MMAA: variants seen among roughly 807,000 people sequenced by gnomAD.
The protein encoded by MMAA is methylmalonic aciduria type A protein, mitochondrial.
Under a neutral mutation model 45.0 loss-of-function variants are expected in MMAA, and 41 were observed. The observed-to-expected ratio is 0.91, with a 90% confidence interval of 0.71 to 1.18. The LOEUF is 1.18. Among genes scored for constraint, MMAA ranks in the 50% most tolerant of loss-of-function variants. The probability of loss-of-function intolerance (pLI) is 0.00; values close to 1 mark genes in which losing one functional copy is unlikely to be tolerated. For synonymous variants in MMAA, 154 were observed against 178.2 expected (o/e 0.86, Z 1.08); for missense variants, 460 against 495.7 (o/e 0.93, Z 0.68).
At chr4:145,639,731 G>A in intron 2 of MMAA, 153 bp downstream of exon 2, 2 of 985,184 alleles carry the variant, frequency 2.0e-6, no homozygotes, top group Non-Finnish European at 2.4e-6. Context: ...GCAAATATTA[G>A]TTTTGTTAAG....
intron 1 of MMAA, among the ~76,000 whole-genome samples, chr4:145,636,098 AGTGGCT>A (rs1429209299): frequency 6.6e-6 from 1 of 152,262 alleles, no homozygotes; most frequent in Non-Finnish European, 1.5e-5. Context: ...AATATCTGAA[AGTGGCT>A]GGTAGACTCT....
At chr4:145,648,088 T>C (rs1727985201) in intron 4 of MMAA, among the ~76,000 whole-genome samples, 1 of 150,678 alleles carries the variant, frequency 6.6e-6, no homozygotes, top group African/African-American at 2.4e-5. Flanking sequence ...CTCGAACTCC[T>C]GACCTTGTGA....
At chr4:145,620,597 G>T (rs565309630) in intron 1 of MMAA, among the ~76,000 whole-genome samples, 1 of 152,332 alleles carries the variant, frequency 6.6e-6, no homozygotes, top group East Asian at 1.9e-4. Context: ...GACCTCTGCA[G>T]ATTTTCACCT....
Position 145,642,788 on chromosome 4 carries a change from C to T in MMAA, c.562+303C>T, listed in dbSNP as rs1418183889. On this transcript the variant is annotated intron_variant, in intron 3 of 6. Transcript: ENST00000649156. Reference sequence around the variant, plus strand: ...TCAGCTTCCATGCATAAGGCCAGGCCCCTCTTTGCTCCTGTTGTGTTTCCT... The same window carrying T: ...TCAGCTTCCATGCATAAGGCCAGGCTCCTCTTTGCTCCTGTTGTGTTTCCT... 5 of 376,260 alleles carry T rather than the reference C, an allele frequency of 1.3e-5. No homozygotes were observed. The Admixed American group carries it at 1.9e-4, about 14-fold the overall frequency. The allele number at this position is 376,260 out of a possible 1,614,324, so 23.3% of individuals were successfully genotyped here. A position where few individuals can be genotyped will look rare whatever the true frequency, so the allele number is the denominator to read the frequency against.
At chr4:145,644,812 T>G (rs2126621828) in intron 3 of MMAA, among the ~76,000 whole-genome samples, 1 of 152,322 alleles carries the variant, frequency 6.6e-6, no homozygotes, top group Non-Finnish European at 1.5e-5. Flanking sequence ...AAATCATTCT[T>G]TGTTGTGGGT....
intron 1 of MMAA, chr4:145,624,228 A>T (rs1734149600): frequency 2.5e-6 from 2 of 814,896 alleles, no homozygotes. Flanking sequence ...AGGCAAAGAG[A>T]TCACAAACTG....
rs1269152775 is a variant in MMAA, at chr4:145,657,146, G to A, written c.*1712G>A. 6.6e-6 allele frequency: 1 copy of A among 152,196 alleles called. No individual in the cohort carries two copies. Among genetic ancestry groups the A allele is most frequent in the Non-Finnish European group, 1.5e-5 (1 of 68,036 alleles). The allele number at this position is 152,196 out of a possible 1,614,324, so 9.4% of individuals were successfully genotyped here. ...ACTGCATTGTAAAGAAGGTAGGAAA[G>A]GTGGGGGGACTTTTGTTAGCTTTAA... On this transcript the variant is annotated 3_prime_UTR_variant, in exon 7 of 7. Transcript: ENST00000649156.
At chr4:145,624,886 A>G (rs368960229) in intron 1 of MMAA, 13 of 1,601,590 alleles carry the variant, frequency 8.1e-6, no homozygotes, top group African/African-American at 8.0e-5. Flanking sequence ...GGGGTGTACA[A>G]TGGTTTCTTG....
intron 1 of MMAA, chr4:145,624,970 A>G: frequency 9.5e-7 from 1 of 1,057,198 alleles, no homozygotes; most frequent in East Asian, 2.4e-5. Flanking sequence ...GGTTTCCCTG[A>G]CAGTTGGTAC....
At position 145,655,289 on chromosome 4, in the gene MMAA, T is replaced by C; in HGVS notation, c.1112T>C (p.Ile371Thr). 1 of 1,614,174 alleles carries C rather than the reference T, an allele frequency of 6.2e-7. No individual in the cohort carries two copies. Among genetic ancestry groups the C allele is most frequent in the Non-Finnish European group, 8.5e-7 (1 of 1,180,014 alleles). Residue 371 changes from isoleucine to threonine, a missense_variant, in exon 7 of 7, where the codon ATT becomes ACT. Coordinates refer to ENST00000649156, the MANE Select transcript of MMAA (RefSeq NM_172250.3). ...KQQKVWMWNL[I>T]QESVLEHFRT... ...CAGAAAGTTTGGATGTGGAATCTCA[T>C]TCAGGAAAGTGTGTTAGAGCATTTC... is the stretch of plus-strand genomic sequence containing the variant.
rs143687604 is a variant in MMAA, at chr4:145,658,272, C to T, written c.*2838C>T. On this transcript the variant is annotated 3_prime_UTR_variant, in exon 7 of 7. Coordinates refer to ENST00000649156, the MANE Select transcript of MMAA (RefSeq NM_172250.3). The stretch of plus-strand genomic sequence containing the variant: ...TATTTATAGAAAGAACAGCCTAATA[C>T]AGGTGCTAAATACATATCTGACAAT... 113 of 152,228 alleles carry T rather than the reference C, an allele frequency of 7.4e-4. No homozygotes were observed. The highest frequency in any genetic ancestry group is 2.6e-3 in the African/African-American group (106 of 41,550). The allele number at this position is 152,228 out of a possible 1,614,324, so 9.4% of individuals were successfully genotyped here.
intron 3 of MMAA, among the ~76,000 whole-genome samples, chr4:145,643,927 G>A (rs1727859955): frequency 6.6e-6 from 1 of 152,062 alleles, no homozygotes; most frequent in South Asian, 2.1e-4. Flanking sequence ...TCAAAAAATA[G>A]TGGTCCCTTT....
chr4:145,647,760 T>C (rs1727970028), intron 4 of MMAA, among the ~76,000 whole-genome samples: 1 of 152,228 alleles, frequency 6.6e-6, no homozygotes, highest in African/African-American at 2.4e-5. Context: ...GCCCTACCCT[T>C]ATGACCTCAT....
At position 145,659,072 on chromosome 4, in the gene MMAA, A is replaced by T. The variant is rs1019789979; in HGVS notation, c.*3638A>T. 1.3e-5 allele frequency: 2 copies of T among 152,244 alleles called. No individual in the cohort carries two copies. The highest frequency in any genetic ancestry group is 2.9e-5 in the Non-Finnish European group (2 of 68,046). 9.4% of individuals were successfully genotyped at this position (152,244 alleles called of 1,614,324 possible). A position where few individuals can be genotyped will look rare whatever the true frequency, so the allele number is the denominator to read the frequency against. On this transcript the variant is annotated 3_prime_UTR_variant, in exon 7 of 7. Coordinates refer to ENST00000649156, the MANE Select transcript of MMAA (RefSeq NM_172250.3). ...ACATTAGCGTTATTCAGGTAAGACT[A>T]CAACAATGATGAACATGTCAAAACT... is the stretch of plus-strand genomic sequence containing the variant.
Position 145,655,345 on chromosome 4 carries a change from C to G in MMAA, c.1168C>G (p.Pro390Ala), listed in dbSNP as rs267600029. Reference sequence around the variant, plus strand: ...CCACCCCACAGTCCGGGAACAGATTCCACTTCTGGAACAAAAGGTTCTCAT... The same window carrying G: ...CCACCCCACAGTCCGGGAACAGATTGCACTTCTGGAACAAAAGGTTCTCAT... ...RTHPTVREQI[P>A]LLEQKVLIGA... The change falls in exon 7 of 7, where the codon CCA becomes GCA. Residue 390 changes from proline (P) to alanine (A), a missense_variant. Pro to Ala is a conservative substitution (Grantham distance 27). Coordinates refer to ENST00000649156, the MANE Select transcript of MMAA (RefSeq NM_172250.3). The G allele has an allele frequency of 1.2e-6, 2 of 1,614,038 alleles. No individual in the cohort carries two copies. Among genetic ancestry groups the G allele is most frequent in the African/African-American group, 2.7e-5 (2 of 74,910 alleles).
intron 1 of MMAA, among the ~76,000 whole-genome samples, chr4:145,633,880 A>T (rs1218839301): frequency 2.0e-5 from 3 of 152,252 alleles, no homozygotes. Context: ...ATTATCAGGC[A>T]GAGACTCTTG....
At chr4:145,648,880 G>A (rs1728014165) in intron 4 of MMAA, among the ~76,000 whole-genome samples, 1 of 152,110 alleles carries the variant, frequency 6.6e-6, no homozygotes, top group African/African-American at 2.4e-5. Flanking sequence ...TAGCTACTTG[G>A]TAGGCTGAGG....
In MMAA at chr4:145,642,374, C is replaced by A. The variant is rs1727810856; in HGVS notation, c.451C>A (p.Pro151Thr). 1 of 1,613,196 alleles carries A rather than the reference C, an allele frequency of 6.2e-7. No homozygotes were observed. The stretch of plus-strand genomic sequence containing the variant: ...TCTTTCCACCGTAGGATTGTCTGGG[C>A]CCCCTGGTGCTGGAAAATCAACATT... ...PLAFRVGLSGPPGAGKSTFIE... is the reference protein window; with the variant it reads ...PLAFRVGLSGTPGAGKSTFIE... Residue 151 changes from proline (P) to threonine (T), a missense_variant, in exon 3 of 7, where the codon CCC (proline) becomes ACC (threonine). Pro to Thr is a conservative substitution (Grantham distance 38). Coordinates refer to ENST00000649156, the MANE Select transcript of MMAA (RefSeq NM_172250.3).
At chr4:145,626,693 C>A (rs749151716) in intron 1 of MMAA, among the ~76,000 whole-genome samples, 4 of 152,154 alleles carry the variant, frequency 2.6e-5, no homozygotes, top group Non-Finnish European at 4.4e-5. Context: ...AGTTCTGAGG[C>A]CTTGGTGAAT....
Sources: allele counts gnomAD v4.1 joint callset (sites outside exome capture counted in the v4.1 genomes callset), GRCh38; gene constraint gnomAD v4.1.1; transcripts MANE v1.5; gene names NCBI Gene and HGNC (gene_info 2026-07-23, HGNC 2026-07-21).